PARPBP: variants seen among roughly 807,000 people sequenced by gnomAD.
PARPBP encodes the protein PARP1 binding protein.
In PARPBP, 52 loss-of-function variants were observed where a neutral mutation model predicts 50.0. That is an observed-to-expected ratio of 1.04 (90% confidence interval 0.83 to 1.31). The LOEUF (loss-of-function observed/expected upper bound fraction) is 1.31. PARPBP is among the 50% of genes most tolerant of loss of function. The pLI is 0.00. For missense variants in PARPBP, 697 were observed against 672.0 expected, an observed-to-expected ratio of 1.04 and a Z score of -0.41; for synonymous variants, 244 against 232.1, an observed-to-expected ratio of 1.05 and a Z score of -0.47.
chr12:102,176,829 G>A (rs919293179), intron 7 of PARPBP, among the ~76,000 whole-genome samples: 11 of 152,112 alleles, frequency 7.2e-5, no homozygotes, highest in African/African-American at 2.4e-4. Context: ...TACTTTGAAG[G>A]TGGGGAAGAT....
At chr12:102,190,677 C>T (rs1221710459) in intron 9 of PARPBP, among the ~76,000 whole-genome samples, 2 of 152,114 alleles carry the variant, frequency 1.3e-5, no homozygotes, top group East Asian at 3.9e-4. Context: ...TCTGGGCACT[C>T]CTCACCCTGT....
In PARPBP at chr12:102,178,821, A is replaced by G. The variant is rs375684904; in HGVS notation, c.1184+51A>G. On this transcript the variant is annotated intron_variant, in intron 8 of 10. Coordinates refer to ENST00000327680, the MANE Select transcript of PARPBP (RefSeq NM_017915.5). ...TTATAAATGTTAACTCTAGAGAATTATAAAAGAAATGTATGCTTATGGTAG... is the reference window on the plus strand; with the variant it reads ...TTATAAATGTTAACTCTAGAGAATTGTAAAAGAAATGTATGCTTATGGTAG... 2.5e-5 allele frequency: 30 copies of G among 1,193,718 alleles called. 1 individual carries two copies. Among genetic ancestry groups the G allele is most frequent in the Admixed American group, 7.6e-5 (3 of 39,564 alleles). The allele number at this position is 1,193,718 out of a possible 1,614,324, so 73.9% of individuals were successfully genotyped here.
At chr12:102,122,730 G>T (rs1881351445) in intron 1 of PARPBP, among the ~76,000 whole-genome samples, 1 of 152,190 alleles carries the variant, frequency 6.6e-6, no homozygotes, top group African/African-American at 2.4e-5. Context: ...AGCTTATAGA[G>T]TTAGACATAT....
chr12:102,194,999 C>T (rs1891144609), intron 9 of PARPBP, among the ~76,000 whole-genome samples: 1 of 151,338 alleles, frequency 6.6e-6, no homozygotes, highest in South Asian at 2.1e-4. Flanking sequence ...CGCTCCAAAG[C>T]AGTGCTGACA....
chr12:102,152,841 T>A (rs1365888921), intron 3 of PARPBP, among the ~76,000 whole-genome samples: 1 of 144,558 alleles, frequency 6.9e-6, no homozygotes, highest in Non-Finnish European at 1.5e-5. Context: ...TCTTGAAAAT[T>A]AAGCACAATA....
intron 4 of PARPBP, among the ~76,000 whole-genome samples, chr12:102,160,398 T>G (rs1239710759): frequency 1.3e-5 from 2 of 152,220 alleles, no homozygotes; most frequent in East Asian, 3.8e-4. Flanking sequence ...CTTGTTATTT[T>G]TGAACAGCAG....
intron 2 of PARPBP, among the ~76,000 whole-genome samples, chr12:102,141,527 T>C (rs1329713304): frequency 6.6e-6 from 1 of 152,214 alleles, no homozygotes; most frequent in African/African-American, 2.4e-5. Context: ...ATCCTGTCAT[T>C]ATGATGTTAG....
Position 102,178,786 on chromosome 12 carries a change from G to A in PARPBP, c.1184+16G>A, listed in dbSNP as rs377763412. On this transcript the variant is annotated intron_variant, in intron 8 of 10. Transcript: ENST00000327680. ...CACTTTTTAGGTAAGTTATGTGGAA[G>A]TTATATGTGTTATAAATGTTAACTC... 2.1e-5 allele frequency: 31 copies of A among 1,495,330 alleles called. No homozygotes were observed. The highest frequency in any genetic ancestry group is 5.6e-5 in the Admixed American group (3 of 53,220). 92.6% of individuals were successfully genotyped at this position (1,495,330 alleles called of 1,614,324 possible). A position where few individuals can be genotyped will look rare whatever the true frequency, so the allele number is the denominator to read the frequency against.
chr12:102,190,085 A>G (rs1337819909), intron 9 of PARPBP, among the ~76,000 whole-genome samples: 1 of 152,020 alleles, frequency 6.6e-6, no homozygotes, highest in Non-Finnish European at 1.5e-5. Context: ...TTACTTTTTA[A>G]AAATTTATTG....
chr12:102,196,540 T>G lies in PARPBP; in HGVS notation c.*249T>G. On this transcript the variant is annotated 3_prime_UTR_variant, in exon 11 of 11. Transcript: ENST00000327680. ...TGATACATCTTAACACTACTTTCTT[T>G]TAAAACAGACATTTAACATACACAA... is the stretch of plus-strand genomic sequence containing the variant. 1.2e-6 allele frequency: 1 copy of G among 854,342 alleles called. No individual in the cohort carries two copies. Among genetic ancestry groups the G allele is most frequent in the Admixed American group, 1.9e-5 (1 of 53,372 alleles). 52.9% of individuals were successfully genotyped at this position (854,342 alleles called of 1,614,324 possible). A position where few individuals can be genotyped will look rare whatever the true frequency, so the allele number is the denominator to read the frequency against.
chr12:102,193,630 A>G (rs1891004954), intron 9 of PARPBP, among the ~76,000 whole-genome samples: 1 of 152,102 alleles, frequency 6.6e-6, no homozygotes, highest in Non-Finnish European at 1.5e-5. Flanking sequence ...GATGGAAATA[A>G]AAGTTCATGG....
chr12:102,150,143 C>T (rs916140901), intron 3 of PARPBP: 9 of 427,460 alleles, frequency 2.1e-5, no homozygotes, highest in African/African-American at 1.8e-4. Flanking sequence ...CTCCAAATGT[C>T]ATCGTGTCAT....
chr12:102,137,720 G>T (rs1883873116), intron 2 of PARPBP, among the ~76,000 whole-genome samples: 1 of 148,634 alleles, frequency 6.7e-6, no homozygotes, highest in Non-Finnish European at 1.5e-5. Flanking sequence ...TGTTCTCATT[G>T]TTCAGTTCCC....
chr12:102,123,779 T>A, intron 1 of PARPBP, 107 bp from the exon 2 acceptor site: 1 of 582,594 alleles, frequency 1.7e-6, no homozygotes, highest in South Asian at 2.9e-5. Context: ...TGAAATGACC[T>A]CTCATTCACT....
chr12:102,166,125 T>C (rs1888117428), intron 6 of PARPBP, among the ~76,000 whole-genome samples: 1 of 152,026 alleles, frequency 6.6e-6, no homozygotes, highest in African/African-American at 2.4e-5. Flanking sequence ...GAGAAGAGAG[T>C]TACCATTTAT....
At chr12:102,180,677 C>T (rs1184241397) in intron 8 of PARPBP, among the ~76,000 whole-genome samples, 2 of 152,180 alleles carry the variant, frequency 1.3e-5, no homozygotes, top group African/African-American at 2.4e-5. Context: ...GCTATGATTG[C>T]ACCACTGCAC....
At chr12:102,153,490 G>A (rs1257262587) in intron 3 of PARPBP, among the ~76,000 whole-genome samples, 1 of 152,184 alleles carries the variant, frequency 6.6e-6, no homozygotes, top group East Asian at 1.9e-4. Context: ...ACAGGCACAT[G>A]CCACCATGCC....
At chr12:102,123,790 A>G (rs879916019) in intron 1 of PARPBP, 96 bp from the exon 2 acceptor site, 3 of 694,448 alleles carry the variant, frequency 4.3e-6, no homozygotes, top group Non-Finnish European at 7.0e-6. Flanking sequence ...CTCATTCACT[A>G]TATGTTTTTC....
At chr12:102,166,111 A>G (rs1302840077) in intron 6 of PARPBP, among the ~76,000 whole-genome samples, 2 of 152,160 alleles carry the variant, frequency 1.3e-5, no homozygotes, top group Non-Finnish European at 2.9e-5. Flanking sequence ...ACTAAATTTG[A>G]TTAGAGAAGA....
Sources: allele counts gnomAD v4.1 joint callset (sites outside exome capture counted in the v4.1 genomes callset), GRCh38; gene constraint gnomAD v4.1.1; transcripts MANE v1.5; gene names NCBI Gene and HGNC (gene_info 2026-07-23, HGNC 2026-07-21).